Variants in HS6ST3 observed in about 807,000 individuals in gnomAD.
HS6ST3 encodes heparan-sulfate 6-O-sulfotransferase 3.
A neutral mutation model predicts 36.7 loss-of-function variants in HS6ST3; 12 were observed. The ratio of observed to expected loss-of-function variants is 0.33; its 90% CI spans 0.21 to 0.53. The LOEUF (loss-of-function observed/expected upper bound fraction) is 0.53. Among genes scored for constraint, HS6ST3 ranks in the 20% least tolerant of loss-of-function variants. HS6ST3 has a pLI of 0.95. For synonymous variants in HS6ST3, 240 were observed against 257.5 expected, an observed-to-expected ratio of 0.93 and a Z score of 0.65; for missense variants, 584 against 640.9, an observed-to-expected ratio of 0.91 and a Z score of 0.96.
At chr13:96,183,291 A>G (rs773044406) in intron 1 of HS6ST3, among the ~76,000 whole-genome samples, 1 of 152,152 alleles carries the variant, frequency 6.6e-6, no homozygotes, top group Non-Finnish European at 1.5e-5. Context: ...GAGAGGCTGA[A>G]CTGAATTGAA....
chr13:96,090,795 G>A lies in HS6ST3; in HGVS notation c.-68G>A, dbSNP rs1421362989. 2.3e-6 allele frequency: 3 copies of A among 1,332,506 alleles called. No homozygotes were observed. Among genetic ancestry groups the A allele is most frequent in the Non-Finnish European group, 2.9e-6 (3 of 1,026,936 alleles). 82.5% of individuals were successfully genotyped at this position (1,332,506 alleles called of 1,614,324 possible). A position where few individuals can be genotyped will look rare whatever the true frequency, so the allele number is the denominator to read the frequency against. On this transcript the variant is annotated 5_prime_UTR_variant, in exon 1 of 2. Coordinates refer to ENST00000376705, the MANE Select transcript of HS6ST3 (RefSeq NM_153456.4). Reference sequence around the variant, plus strand: ...GCGCCCCGGAGTCCGCGAAACTTCCGAGCGGGCGCCCGTCCGCCCTGCCGC... The same window carrying A: ...GCGCCCCGGAGTCCGCGAAACTTCCAAGCGGGCGCCCGTCCGCCCTGCCGC...
intron 1 of HS6ST3, among the ~76,000 whole-genome samples, chr13:96,806,149 G>A (rs1346776162): frequency 1.3e-5 from 2 of 152,178 alleles, no homozygotes; most frequent in Non-Finnish European, 2.9e-5. Context: ...TTATCAATGT[G>A]GTGGAAACTA....
intron 1 of HS6ST3, among the ~76,000 whole-genome samples, chr13:96,098,899 A>C (rs1257121447): frequency 1.3e-5 from 2 of 152,154 alleles, no homozygotes; most frequent in Non-Finnish European, 2.9e-5. Context: ...AGAGTTAGCT[A>C]TTATTATTTT....
At chr13:96,344,619 A>G (rs2055144970) in intron 1 of HS6ST3, among the ~76,000 whole-genome samples, 1 of 152,190 alleles carries the variant, frequency 6.6e-6, no homozygotes, top group Admixed American at 6.5e-5. Context: ...TATTAAATTT[A>G]TCCTCTCTCC....
intron 1 of HS6ST3, among the ~76,000 whole-genome samples, chr13:96,520,305 T>G (rs955499646): frequency 6.7e-6 from 1 of 149,582 alleles, no homozygotes; most frequent in African/African-American, 2.4e-5. Context: ...TCCAGCTTTG[T>G]TCTTCCTGCC....
intron 1 of HS6ST3, 73 bp downstream of exon 1, chr13:96,091,642 G>T: frequency 7.0e-7 from 1 of 1,431,780 alleles, no homozygotes; most frequent in South Asian, 1.4e-5. Flanking sequence ...GACCCAGAGC[G>T]ACCCCGCGCT....
intron 1 of HS6ST3, among the ~76,000 whole-genome samples, chr13:96,396,229 G>T (rs1366209344): frequency 6.6e-6 from 1 of 151,968 alleles, no homozygotes; most frequent in Non-Finnish European, 1.5e-5. Context: ...CAGGAGAATC[G>T]CTTGAGCCCA....
At chr13:96,548,860 G>A (rs1051234115) in intron 1 of HS6ST3, among the ~76,000 whole-genome samples, 1 of 152,112 alleles carries the variant, frequency 6.6e-6, no homozygotes, top group African/African-American at 2.4e-5. Context: ...TGCCTTACTC[G>A]GTCTATGGAT....
At chr13:96,373,336 G>T (rs1012010954) in intron 1 of HS6ST3, among the ~76,000 whole-genome samples, 1 of 152,154 alleles carries the variant, frequency 6.6e-6, no homozygotes, top group Non-Finnish European at 1.5e-5. Context: ...CTATCTTCCT[G>T]AAATTGAAGT....
chr13:96,634,054 A>G (rs1417207023), intron 1 of HS6ST3, among the ~76,000 whole-genome samples: 6 of 152,134 alleles, frequency 3.9e-5, no homozygotes, highest in African/African-American at 1.4e-4. Context: ...TCCTGTGAGG[A>G]TATGAGGAGG....
chr13:96,541,373 T>C (rs1594803071), intron 1 of HS6ST3, among the ~76,000 whole-genome samples: 1 of 152,218 alleles, frequency 6.6e-6, no homozygotes, highest in East Asian at 1.9e-4. Context: ...CTCATGAGAC[T>C]GAGGCCCAGA....
At chr13:96,682,207 A>G (rs1397440576) in intron 1 of HS6ST3, among the ~76,000 whole-genome samples, 4 of 152,146 alleles carry the variant, frequency 2.6e-5, no homozygotes, top group Non-Finnish European at 5.9e-5. Flanking sequence ...ATATTTATAC[A>G]TGCCTATATG....
rs1272198835 is a variant in HS6ST3 at position 96,434,177 on chromosome 13, GT to G, written c.707+342612del. On this transcript the variant is annotated intron_variant, in intron 1 of 1. Transcript: ENST00000376705. ...GTGAAAAATATTATAGATTTTTGTT[GT>G]TTTAGTTGTTCAGCCTTTGTTATGG... 2.6e-5 allele frequency among the ~76,000 whole-genome samples: 4 copies of G among 152,188 alleles called. No homozygotes were observed. In the East Asian group the frequency reaches 7.7e-4, roughly 29 times the overall value.
intron 1 of HS6ST3, among the ~76,000 whole-genome samples, chr13:96,217,576 T>C (rs2054433387): frequency 6.6e-6 from 1 of 152,182 alleles, no homozygotes; most frequent in South Asian, 2.1e-4. Context: ...CATCCATCCA[T>C]CCATCCATCT....
chr13:96,325,875 CAT>C (rs1436029909), intron 1 of HS6ST3, among the ~76,000 whole-genome samples: 92 of 152,284 alleles, frequency 6.0e-4, no homozygotes, highest in African/African-American at 2.2e-3. Context: ...GTGTTAAAAT[CAT>C]TTCCCTCCTG....
At chr13:96,578,289 G>A (rs1045106553) in intron 1 of HS6ST3, among the ~76,000 whole-genome samples, 5 of 152,166 alleles carry the variant, frequency 3.3e-5, no homozygotes, top group African/African-American at 4.8e-5. Context: ...GAAGTGTATG[G>A]TCAAGGTTGC....
chr13:96,720,275 C>G (rs146353955), intron 1 of HS6ST3, among the ~76,000 whole-genome samples: 1 of 152,136 alleles, frequency 6.6e-6, no homozygotes, highest in Admixed American at 6.5e-5. Context: ...AAGACCATGA[C>G]CATCTTCTTC....
intron 1 of HS6ST3, among the ~76,000 whole-genome samples, chr13:96,280,316 T>C (rs976231140): frequency 6.6e-6 from 1 of 152,162 alleles, no homozygotes; most frequent in Non-Finnish European, 1.5e-5. Context: ...AAATTGCCAA[T>C]GAAACCTTCT....
chr13:96,699,807 G>A (rs9707097), intron 1 of HS6ST3, among the ~76,000 whole-genome samples: 42,387 of 151,978 alleles, frequency 0.28, 6,709 homozygotes, highest in African/African-American at 0.43. Flanking sequence ...TGTTTATTGC[G>A]GCACTATTCA....
Sources: allele counts gnomAD v4.1 joint callset (sites outside exome capture counted in the v4.1 genomes callset), GRCh38; gene constraint gnomAD v4.1.1; transcripts MANE v1.5; gene names NCBI Gene and HGNC (gene_info 2026-07-23, HGNC 2026-07-21).